ZNF407: variants seen among roughly 807,000 people sequenced by gnomAD.
The protein encoded by ZNF407 is zinc finger protein 407.
A neutral mutation model predicts 131.2 loss-of-function variants in ZNF407; 17 were observed. The observed-to-expected ratio is 0.13, with a 90% CI of 0.09 to 0.19. ZNF407 has a LOEUF of 0.19. Ranked by LOEUF, ZNF407 falls within the 10% of genes least tolerant of loss-of-function variation. The pLI is 1.00. For synonymous variants in ZNF407, 1,156 were observed against 1,062.0 expected (o/e 1.09, Z -1.72); for missense variants, 2,681 against 2,830.6 (o/e 0.95, Z 1.20).
At chr18:74,893,202 T>C (rs1971409342) in intron 7 of ZNF407, among the ~76,000 whole-genome samples, 1 of 152,200 alleles carries the variant, frequency 6.6e-6, no homozygotes, top group Non-Finnish European at 1.5e-5. Context: ...AGGATGGTGT[T>C]TTCTAACTAT....
At chr18:74,800,621 C>T (rs190505427) in intron 4 of ZNF407, among the ~76,000 whole-genome samples, 129 of 152,110 alleles carry the variant, frequency 8.5e-4, no homozygotes, top group African/African-American at 2.8e-3. Context: ...AAGAATTATA[C>T]GAAGATAATT....
At chr18:74,773,989 CTGGTTGTA>C in intron 3 of ZNF407, among the ~76,000 whole-genome samples, 1 of 152,190 alleles carries the variant, frequency 6.6e-6, no homozygotes, top group African/African-American at 2.4e-5. Flanking sequence ...GCCTGGAAGG[CTGGTTGTA>C]CTAGAAAATA....
At chr18:75,011,792 A>G (rs759266684) in intron 8 of ZNF407, among the ~76,000 whole-genome samples, 44 of 152,196 alleles carry the variant, frequency 2.9e-4, no homozygotes, top group Non-Finnish European at 5.3e-4. Context: ...TATAAGGAGA[A>G]ATGAAAAATT....
Position 75,038,211 on chromosome 18 carries a change from G to A in ZNF407, c.5429-24939G>A, listed in dbSNP as rs568279464. On this transcript the variant is annotated intron_variant, in intron 8 of 8. Transcript: ENST00000299687. ...CAGAGTAACTTCAAATGGCATTACC[G>A]ATTACAAAATTGTTAGATTATTTAA... 3.5e-4 allele frequency among the ~76,000 whole-genome samples: 54 copies of A among 152,236 alleles called. 1 individual carries two copies. The South Asian group carries it at 0.011, about 31-fold the overall frequency.
At chr18:74,843,144 G>T (rs959386808) in intron 4 of ZNF407, among the ~76,000 whole-genome samples, 1 of 152,134 alleles carries the variant, frequency 6.6e-6, no homozygotes, top group African/African-American at 2.4e-5. Context: ...ATACTTTGAC[G>T]AATGAGTATA....
At chr18:74,899,165 C>T (rs1392080114) in intron 7 of ZNF407, among the ~76,000 whole-genome samples, 2 of 152,108 alleles carry the variant, frequency 1.3e-5, no homozygotes, top group African/African-American at 4.8e-5. Context: ...GGATGTTGAG[C>T]AGGAAAATGA....
chr18:74,988,669 C>CA (rs1225381535), intron 8 of ZNF407, among the ~76,000 whole-genome samples: 2 of 149,812 alleles, frequency 1.3e-5, no homozygotes, highest in African/African-American at 2.5e-5. Flanking sequence ...AATAAACAAA[C>CA]AAAAAAAATA....
chr18:74,940,265 A>G (rs1266574428), intron 8 of ZNF407, among the ~76,000 whole-genome samples: 2 of 152,198 alleles, frequency 1.3e-5, no homozygotes, highest in South Asian at 2.1e-4. Flanking sequence ...ACTTGAGGCC[A>G]AAGTCACTTA....
At chr18:75,000,080 G>A (rs1253068223) in intron 8 of ZNF407, among the ~76,000 whole-genome samples, 1 of 152,210 alleles carries the variant, frequency 6.6e-6, no homozygotes, top group Non-Finnish European at 1.5e-5. Context: ...TACAAGGAAA[G>A]AGTACGCATA....
chr18:74,626,909 C>G (rs192450483), intron 1 of ZNF407, among the ~76,000 whole-genome samples: 2 of 152,310 alleles, frequency 1.3e-5, no homozygotes, highest in East Asian at 1.9e-4. Flanking sequence ...GGTAGGATGG[C>G]AGGGCTGTAT....
At chr18:74,781,923 T>A (rs1490665956) in intron 4 of ZNF407, among the ~76,000 whole-genome samples, 1 of 152,184 alleles carries the variant, frequency 6.6e-6, no homozygotes, top group Non-Finnish European at 1.5e-5. Context: ...TAAGAAGAAA[T>A]ACATCTTGTG....
intron 4 of ZNF407, among the ~76,000 whole-genome samples, chr18:74,789,629 A>G (rs1969787470): frequency 6.6e-6 from 1 of 152,154 alleles, no homozygotes; most frequent in Non-Finnish European, 1.5e-5. Context: ...GACAGCGTGC[A>G]GTGCAGAGCC....
chr18:74,995,797 T>C (rs1365808118), intron 8 of ZNF407, among the ~76,000 whole-genome samples: 1 of 152,226 alleles, frequency 6.6e-6, no homozygotes, highest in East Asian at 1.9e-4. Flanking sequence ...TGTGCTTGGC[T>C]CTGCTTTTTT....
At chr18:74,966,911 T>C (rs1972416327) in intron 8 of ZNF407, among the ~76,000 whole-genome samples, 1 of 152,200 alleles carries the variant, frequency 6.6e-6, no homozygotes, top group African/African-American at 2.4e-5. Flanking sequence ...ATTTTATTTG[T>C]GGCTATTGTA....
intron 3 of ZNF407, among the ~76,000 whole-genome samples, chr18:74,648,506 G>A (rs570937257): frequency 1.2e-4 from 18 of 152,272 alleles, no homozygotes; most frequent in African/African-American, 3.8e-4. Flanking sequence ...ACTGTGTGTA[G>A]GCAGTGAAGA....
chr18:74,782,893 G>A (rs563390749), intron 4 of ZNF407, among the ~76,000 whole-genome samples: 44 of 152,212 alleles, frequency 2.9e-4, no homozygotes, highest in African/African-American at 1.0e-3. Flanking sequence ...TTGAGCGACC[G>A]TGCCCGGCCT....
chr18:74,885,219 T>C (rs1234932641), intron 6 of ZNF407, among the ~76,000 whole-genome samples: 3 of 152,146 alleles, frequency 2.0e-5, no homozygotes, highest in Non-Finnish European at 2.9e-5. Context: ...TGGAACAGAA[T>C]AGCATCCAGA....
intron 8 of ZNF407, among the ~76,000 whole-genome samples, chr18:74,971,152 C>T (rs1972467895): frequency 6.6e-6 from 1 of 152,184 alleles, no homozygotes; most frequent in South Asian, 2.1e-4. Flanking sequence ...GGACCCTGGC[C>T]CCAGCCCACA....
intron 4 of ZNF407, among the ~76,000 whole-genome samples, chr18:74,811,886 A>G (rs1257843629): frequency 6.8e-6 from 1 of 146,364 alleles, no homozygotes; most frequent in Admixed American, 6.7e-5. Context: ...GGGTAAGGGG[A>G]AGGGGGAGGG....
Sources: gnomAD v4.1 joint callset for allele counts (sites outside exome capture counted in the v4.1 genomes callset) on GRCh38, gnomAD v4.1.1 for gene constraint, MANE v1.5 for transcripts, NCBI Gene and HGNC (gene_info 2026-07-23, HGNC 2026-07-21) for gene names.